NBPF9: variants seen among roughly 807,000 people sequenced by gnomAD.
NBPF9 encodes the protein NBPF family member NBPF9.
Under a neutral mutation model 97.8 loss-of-function variants are expected in NBPF9, and 91 were observed. The observed-to-expected ratio is 0.93, with a 90% CI of 0.79 to 1.11. NBPF9 has a LOEUF of 1.11. Ranked by LOEUF, NBPF9 falls within the 50% of genes least tolerant of loss-of-function variation. The probability of loss-of-function intolerance (pLI) is 0.00; values close to 1 mark genes in which losing one functional copy is unlikely to be tolerated. For synonymous variants in NBPF9, 334 were observed against 359.5 expected, an observed-to-expected ratio of 0.93 and a Z score of 0.80; for missense variants, 992 against 939.5, an observed-to-expected ratio of 1.06 and a Z score of -0.73.
chr1:149,060,801 G>T (rs2078539890), intron 23 of NBPF9, 106 bp from the exon 24 acceptor site: 1 of 371,132 alleles, frequency 2.7e-6, no homozygotes, highest in Admixed American at 4.8e-5. Context: ...AAAACTAAAA[G>T]GATAGATCCA....
intron 4 of NBPF9, among the ~76,000 whole-genome samples, chr1:149,093,985 A>T (rs2081581475): frequency 7.0e-6 from 1 of 143,552 alleles, no homozygotes; most frequent in Middle Eastern, 3.5e-3. Context: ...AAATACAAAC[A>T]TTAGCCAGGT....
Position 149,059,246 on chromosome 1 carries a change from G to A in NBPF9, c.2586-149C>T. 2 of 457,876 alleles carry A rather than the reference G, an allele frequency of 4.4e-6. 1 individual carries two copies. The allele number at this position is 457,876 out of a possible 1,614,324, so 28.4% of individuals were successfully genotyped here. A position where few individuals can be genotyped will look rare whatever the true frequency, so the allele number is the denominator to read the frequency against. ...GTAATGAATTATTGCCTTTAGGTTG[G>A]GATAGACCAGGGCCAGGTAGAAAAG... On this transcript the variant is annotated intron_variant, in intron 25 of 29. Transcript: ENST00000584027.
intron 8 of NBPF9, 40 bp from the exon 9 acceptor site, chr1:149,079,261 G>T (rs782073537): frequency 4.6e-6 from 5 of 1,084,958 alleles, no homozygotes; most frequent in African/African-American, 1.6e-5. Flanking sequence ...AGTAGAAAGG[G>T]TTGAGTGATC....
intron 21 of NBPF9, among the ~76,000 whole-genome samples, chr1:149,062,509 T>A (rs1393379398): frequency 7.0e-6 from 1 of 142,954 alleles, no homozygotes; most frequent in Non-Finnish European, 1.5e-5. Flanking sequence ...ATTGGCCGGG[T>A]GACACACTGA....
intron 11 of NBPF9, 122 bp from the exon 12 acceptor site, chr1:149,075,986 G>A: frequency 2.1e-6 from 2 of 947,258 alleles, no homozygotes; most frequent in Non-Finnish European, 3.4e-6. Flanking sequence ...TGTTTCCCTG[G>A]TTTCACTCTT....
intron 11 of NBPF9, among the ~76,000 whole-genome samples, chr1:149,076,919 T>C (rs1283776401): frequency 6.6e-6 from 1 of 151,562 alleles, no homozygotes; most frequent in Non-Finnish European, 1.5e-5. Flanking sequence ...CTAAGTCTCC[T>C]GAGCAGTTGG....
exon 30 of NBPF9, chr1:149,055,564 G>A (rs1169426418): frequency 3.8e-6 from 6 of 1,560,498 alleles, no homozygotes; most frequent in African/African-American, 2.7e-5. Flanking sequence ...CTATGTCTGG[G>A]CTTCCAAATG....
intron 5 of NBPF9, among the ~76,000 whole-genome samples, chr1:149,088,234 C>G: frequency 6.6e-6 from 1 of 152,366 alleles, no homozygotes; most frequent in East Asian, 1.9e-4. Context: ...TACAGAAATA[C>G]AAAAGACCAC....
chr1:149,100,786 TA>T (rs368595190), intron 3 of NBPF9, among the ~76,000 whole-genome samples: 1 of 151,838 alleles, frequency 6.6e-6, no homozygotes, highest in Non-Finnish European at 1.5e-5. Context: ...GTATGAAAAT[TA>T]AGCCAGGCAT....
At chr1:149,103,367 G>A (rs1275463324) in exon 1 of NBPF9, 10 of 151,986 alleles carry the variant, frequency 6.6e-5, no homozygotes, top group South Asian at 2.1e-4. Context: ...CCGCGCCGCC[G>A]CGCCTCGGCC....
intron 5 of NBPF9, among the ~76,000 whole-genome samples, chr1:149,084,361 A>T (rs1481989743): frequency 1.4e-5 from 2 of 147,942 alleles, no homozygotes; most frequent in East Asian, 3.9e-4. Flanking sequence ...ACGTGTATAT[A>T]CATACGTGTG....
intron 5 of NBPF9, among the ~76,000 whole-genome samples, chr1:149,084,665 GCAA>G (rs1297664028): frequency 6.6e-6 from 1 of 151,514 alleles, no homozygotes; most frequent in Non-Finnish European, 1.5e-5. Context: ...GCCATTGTGG[GCAA>G]CAAGGACCCA....
exon 22 of NBPF9, chr1:149,062,128 T>G (rs782232768): frequency 4.5e-6 from 5 of 1,118,594 alleles, no homozygotes; most frequent in Non-Finnish European, 5.4e-6. Context: ...GTACTGTTCC[T>G]CCAATGAGTA....
intron 21 of NBPF9, among the ~76,000 whole-genome samples, chr1:149,062,533 G>C (rs587632588): frequency 7.0e-6 from 1 of 143,560 alleles, no homozygotes; most frequent in Non-Finnish European, 1.5e-5. Context: ...AGGGGTCAAA[G>C]GACACTCTGA....
At chr1:149,092,973 A>G (rs879983733) in intron 4 of NBPF9, among the ~76,000 whole-genome samples, 1 of 152,008 alleles carries the variant, frequency 6.6e-6, no homozygotes, top group African/African-American at 2.4e-5. Context: ...AAGTACAGAG[A>G]AAGAAAAATG....
chr1:149,062,881 G>C (rs1371836761), exon 21 of NBPF9: 1 of 758,506 alleles, frequency 1.3e-6, no homozygotes, highest in African/African-American at 1.8e-5. Context: ...GATGGGTCTT[G>C]GTCTTCTTCC....
downstream of NBPF9, among the ~76,000 whole-genome samples, chr1:149,052,536 C>T (rs2077971818): frequency 6.6e-6 from 1 of 151,862 alleles, no homozygotes; most frequent in African/African-American, 2.4e-5. Flanking sequence ...CATCAAGGGC[C>T]AGGAGAGAAT....
chr1:149,062,241 C>T (rs782079118), exon 22 of NBPF9: 15 of 902,000 alleles, frequency 1.7e-5, no homozygotes, highest in Non-Finnish European at 2.8e-5. Flanking sequence ...CAGGCTCTTT[C>T]TCATCCAGCA....
Position 149,064,009 on chromosome 1 carries a change from C to CACAG in NBPF9, c.1854-205_1854-204insCTGT, listed in dbSNP as rs1419658520. Among the ~76,000 whole-genome samples, 1,036 of 111,160 alleles carry CACAG rather than the reference C, an allele frequency of 9.3e-3. 51 individuals carry two copies. The highest frequency in any genetic ancestry group is 0.037 in the African/African-American group (994 of 26,524). The allele number at this position is 111,160 out of a possible 152,430, so 72.9% of individuals were successfully genotyped here. A position where few individuals can be genotyped will look rare whatever the true frequency, so the allele number is the denominator to read the frequency against. Reference sequence around the variant, plus strand: ...AAAGAGAAAGACACACACACACACACAGACACAGACACACACACACACACA... The same window carrying CACAG: ...AAAGAGAAAGACACACACACACACACACAGAGACACAGACACACACACACACACA... On this transcript the variant is annotated intron_variant, in intron 19 of 29. Transcript: ENST00000584027.
Sources: allele counts gnomAD v4.1 joint callset (sites outside exome capture counted in the v4.1 genomes callset), GRCh38; gene constraint gnomAD v4.1.1; transcripts MANE v1.5; gene names NCBI Gene and HGNC (gene_info 2026-07-23, HGNC 2026-07-21).